PTPRK: variants seen among roughly 807,000 people sequenced by gnomAD.
PTPRK encodes protein tyrosine phosphatase receptor type K.
Under a neutral mutation model 178.0 loss-of-function variants are expected in PTPRK, and 75 were observed. The observed-to-expected ratio is 0.42, with a 90% CI of 0.35 to 0.51. The LOEUF is 0.51. Ranked by LOEUF, PTPRK falls within the 20% of genes least tolerant of loss-of-function variation. PTPRK has a pLI of 0.02. For missense variants in PTPRK, 1,441 were observed against 1,797.8 expected, an observed-to-expected ratio of 0.80 and a Z score of 3.59; for synonymous variants, 637 against 620.6, an observed-to-expected ratio of 1.03 and a Z score of -0.39.
At chr6:128,491,348 G>A (rs1263205585) in intron 1 of PTPRK, among the ~76,000 whole-genome samples, 1 of 152,166 alleles carries the variant, frequency 6.6e-6, no homozygotes, top group Non-Finnish European at 1.5e-5. Context: ...TTCAAAACAT[G>A]GGTGGTTAAT....
At chr6:128,078,756 T>A (rs1034645250) in intron 11 of PTPRK, 57 bp downstream of exon 11, 8 of 1,284,086 alleles carry the variant, frequency 6.2e-6, no homozygotes, top group African/African-American at 5.9e-5. Flanking sequence ...TACTTGGGCA[T>A]CTTGGGATGT....
intron 1 of PTPRK, among the ~76,000 whole-genome samples, chr6:128,511,707 T>G (rs1857213837): frequency 6.6e-6 from 1 of 152,244 alleles, no homozygotes; most frequent in East Asian, 1.9e-4. Context: ...TTACATTTTC[T>G]GCCAAGATGC....
intron 7 of PTPRK, among the ~76,000 whole-genome samples, chr6:128,092,900 T>C (rs904865105): frequency 6.6e-6 from 1 of 152,154 alleles, no homozygotes; most frequent in African/African-American, 2.4e-5. Flanking sequence ...TGAATTGCCA[T>C]AGAATAACCG....
At chr6:128,291,917 A>G (rs1229640468) in intron 3 of PTPRK, among the ~76,000 whole-genome samples, 3 of 152,110 alleles carry the variant, frequency 2.0e-5, no homozygotes, top group Non-Finnish European at 4.4e-5. Flanking sequence ...AAGTTCTCTC[A>G]CCACAACTTT....
At chr6:128,003,502 A>C (rs141861134) in intron 15 of PTPRK, among the ~76,000 whole-genome samples, 160 of 151,930 alleles carry the variant, frequency 1.1e-3, no homozygotes, top group African/African-American at 3.5e-3. Flanking sequence ...AGAAAAAAAA[A>C]CCCATGTATT....
intron 11 of PTPRK, among the ~76,000 whole-genome samples, chr6:128,077,730 A>C (rs1784092901): frequency 1.3e-5 from 2 of 152,028 alleles, no homozygotes. Context: ...TTTCAAATGG[A>C]AACTTGTTTA....
intron 3 of PTPRK, among the ~76,000 whole-genome samples, chr6:128,289,340 C>G (rs1823005990): frequency 6.6e-6 from 1 of 152,108 alleles, no homozygotes; most frequent in African/African-American, 2.4e-5. Context: ...ATTATTAACA[C>G]TACACCAAAT....
At chr6:128,449,956 A>AG (rs1485437608) in intron 1 of PTPRK, among the ~76,000 whole-genome samples, 3 of 151,836 alleles carry the variant, frequency 2.0e-5, no homozygotes, top group Non-Finnish European at 4.4e-5. Context: ...AAAAAAAAAA[A>AG]AAATTGCCAG....
intron 1 of PTPRK, among the ~76,000 whole-genome samples, chr6:128,416,399 T>C (rs1182500818): frequency 1.3e-5 from 2 of 150,980 alleles, no homozygotes; most frequent in African/African-American, 2.4e-5. Flanking sequence ...CCCAGCACTT[T>C]GGGAGGCGGA....
chr6:128,495,012 C>A (rs1172044241), intron 1 of PTPRK, among the ~76,000 whole-genome samples: 3 of 152,200 alleles, frequency 2.0e-5, no homozygotes, highest in Admixed American at 6.5e-5. Context: ...TTTTCTAAGA[C>A]AAACCACTAA....
chr6:128,167,370 G>A (rs763480430), intron 7 of PTPRK, among the ~76,000 whole-genome samples: 58 of 151,938 alleles, frequency 3.8e-4, no homozygotes, highest in Non-Finnish European at 6.9e-4. Context: ...TGCCATGCAA[G>A]ATATCTGTAA....
intron 2 of PTPRK, among the ~76,000 whole-genome samples, chr6:128,326,869 T>C (rs909016674): frequency 3.3e-5 from 5 of 152,062 alleles, no homozygotes; most frequent in African/African-American, 9.7e-5. Context: ...GAATACTATC[T>C]TACAAGAGGA....
chr6:128,336,954 G>C (rs1381349859), intron 2 of PTPRK, among the ~76,000 whole-genome samples: 1 of 151,966 alleles, frequency 6.6e-6, no homozygotes, highest in Non-Finnish European at 1.5e-5. Flanking sequence ...TCGCAAACTT[G>C]GTCCATAAAA....
intron 1 of PTPRK, among the ~76,000 whole-genome samples, chr6:128,510,797 G>A (rs1434102276): frequency 6.6e-6 from 1 of 151,762 alleles, no homozygotes; most frequent in African/African-American, 2.4e-5. Context: ...CAGAAATTTG[G>A]AATACAAGCC....
Position 128,083,832 on chromosome 6 carries a change from A to G in PTPRK, c.1466-8T>C. ...CTGGTACGGGACCAGGCACTACAAA[A>G]CACATGAATTTTTTGTTATGAAAAT... is the stretch of plus-strand genomic sequence containing the variant. On this transcript the variant is annotated splice_polypyrimidine_tract_variant and splice_region_variant and intron_variant, in intron 8 of 29. Coordinates refer to ENST00000368226, the MANE Select transcript of PTPRK (RefSeq NM_002844.4). 6.6e-7 allele frequency: 1 copy of G among 1,508,024 alleles called. No individual in the cohort carries two copies. The highest frequency in any genetic ancestry group is 9.0e-7 in the Non-Finnish European group (1 of 1,114,692). The allele number at this position is 1,508,024 out of a possible 1,614,324, so 93.4% of individuals were successfully genotyped here. A position where few individuals can be genotyped will look rare whatever the true frequency, so the allele number is the denominator to read the frequency against.
chr6:127,984,353 T>C (rs1400664425), intron 22 of PTPRK, among the ~76,000 whole-genome samples: 1 of 152,210 alleles, frequency 6.6e-6, no homozygotes, highest in Non-Finnish European at 1.5e-5. Context: ...ATATTTTGTG[T>C]CCTTTAATTG....
chr6:128,124,894 C>G (rs1793090512), intron 7 of PTPRK, among the ~76,000 whole-genome samples: 1 of 152,190 alleles, frequency 6.6e-6, no homozygotes, highest in Admixed American at 6.5e-5. Flanking sequence ...GAGTCATGAG[C>G]CTGCTGCCCT....
intron 2 of PTPRK, among the ~76,000 whole-genome samples, chr6:128,347,235 G>A (rs1832544280): frequency 6.6e-6 from 1 of 152,162 alleles, no homozygotes; most frequent in Non-Finnish European, 1.5e-5. Context: ...GATGGGATCA[G>A]AGGGAACAAG....
chr6:128,473,962 T>G (rs1168983103), intron 1 of PTPRK, among the ~76,000 whole-genome samples: 1 of 152,122 alleles, frequency 6.6e-6, no homozygotes, highest in Non-Finnish European at 1.5e-5. Flanking sequence ...ATTTTTAGTC[T>G]GTTCATGAAT....
Sources: gnomAD v4.1 joint callset for allele counts (sites outside exome capture counted in the v4.1 genomes callset) on GRCh38, gnomAD v4.1.1 for gene constraint, MANE v1.5 for transcripts, NCBI Gene and HGNC (gene_info 2026-07-23, HGNC 2026-07-21) for gene names.